Variants in GLT1D1 observed in about 807,000 individuals in gnomAD.
GLT1D1 encodes the protein glycosyltransferase 1 domain containing 1.
Under a neutral mutation model 28.7 loss-of-function variants are expected in GLT1D1, and 21 were observed. The observed-to-expected ratio is 0.73, with a 90% CI of 0.52 to 1.05. GLT1D1 has a LOEUF of 1.05. Among genes scored for constraint, GLT1D1 ranks in the 50% least tolerant of loss-of-function variants. The pLI is 0.00. For synonymous variants in GLT1D1, 147 were observed against 124.8 expected (o/e 1.18, Z -1.19); for missense variants, 343 against 330.6 (o/e 1.04, Z -0.29).
chr12:128,981,472 C>T (rs372301880), intron 7 of GLT1D1, among the ~76,000 whole-genome samples: 283 of 149,912 alleles, frequency 1.9e-3, no homozygotes, highest in African/African-American at 6.2e-3. Flanking sequence ...TACCCTGAAA[C>T]GGGAATAAAC....
At chr12:128,972,793 T>G (rs1335794597) in intron 7 of GLT1D1, among the ~76,000 whole-genome samples, 1 of 152,252 alleles carries the variant, frequency 6.6e-6, no homozygotes, top group Non-Finnish European at 1.5e-5. Flanking sequence ...TAAGGTCTGC[T>G]TGACAAATTT....
At chr12:128,934,578 C>T (rs968012691) in intron 4 of GLT1D1, among the ~76,000 whole-genome samples, 3 of 152,226 alleles carry the variant, frequency 2.0e-5, no homozygotes, top group African/African-American at 4.8e-5. Flanking sequence ...AGCCCTAGTT[C>T]GCAGGAGGTC....
intron 6 of GLT1D1, 33 bp downstream of exon 10, chr12:128,947,491 G>T: frequency 6.2e-7 from 1 of 1,612,388 alleles, no homozygotes; most frequent in African/African-American, 1.3e-5. Context: ...GAAAGTGGGA[G>T]TGTGAAATTG....
intron 7 of GLT1D1, among the ~76,000 whole-genome samples, chr12:128,969,491 T>C (rs561072344): frequency 6.6e-6 from 1 of 152,224 alleles, no homozygotes; most frequent in Non-Finnish European, 1.5e-5. Flanking sequence ...CTAGGGCAGG[T>C]TTGCCCCGAG....
chr12:128,969,426 G>T (rs1878813516), intron 7 of GLT1D1, among the ~76,000 whole-genome samples: 1 of 150,074 alleles, frequency 6.7e-6, no homozygotes, highest in Admixed American at 6.6e-5. Context: ...GGGTGTAGAT[G>T]CCCCTGGATG....
intron 4 of GLT1D1, among the ~76,000 whole-genome samples, chr12:128,934,693 G>C (rs186668698): frequency 6.6e-6 from 1 of 152,206 alleles, no homozygotes; most frequent in Non-Finnish European, 1.5e-5. Flanking sequence ...AAGAAGACAA[G>C]GTCTCACTAA....
intron 4 of GLT1D1, among the ~76,000 whole-genome samples, chr12:128,932,551 T>A (rs1176737603): frequency 6.6e-6 from 1 of 152,204 alleles, no homozygotes; most frequent in African/African-American, 2.4e-5. Context: ...GGCACTTTGC[T>A]GTCTATAATT....
At chr12:128,855,897 G>A (rs925814815) in intron 1 of GLT1D1, among the ~76,000 whole-genome samples, 5 of 151,730 alleles carry the variant, frequency 3.3e-5, no homozygotes, top group South Asian at 2.1e-4. Context: ...GATTACAGGC[G>A]CCTGCCACCA....
chr12:128,853,687 G>A, intron 1 of GLT1D1, 38 bp downstream of exon 1: 1 of 1,051,760 alleles, frequency 9.5e-7, no homozygotes, highest in South Asian at 4.3e-5. Context: ...AGCCTGGGCC[G>A]GGGGCCGGGG....
At chr12:128,929,539 C>T (rs1399968211) in intron 4 of GLT1D1, among the ~76,000 whole-genome samples, 1 of 152,120 alleles carries the variant, frequency 6.6e-6, no homozygotes, top group Non-Finnish European at 1.5e-5. Flanking sequence ...GTGGTTCTTT[C>T]TTATATAGTT....
intron 1 of GLT1D1, among the ~76,000 whole-genome samples, chr12:128,866,318 C>T (rs908170206): frequency 6.6e-6 from 1 of 151,788 alleles, no homozygotes; most frequent in African/African-American, 2.4e-5. Context: ...ATCCACCCGC[C>T]TCAGTCTCCC....
At chr12:128,904,172 C>T (rs1861976456) in intron 4 of GLT1D1, among the ~76,000 whole-genome samples, 1 of 151,856 alleles carries the variant, frequency 6.6e-6, no homozygotes, top group African/African-American at 2.4e-5. Flanking sequence ...CACACCTACA[C>T]TCACACACAC....
chr12:128,915,551 G>A (rs1428757005), intron 4 of GLT1D1, among the ~76,000 whole-genome samples: 4 of 151,990 alleles, frequency 2.6e-5, no homozygotes, highest in Non-Finnish European at 2.9e-5. Flanking sequence ...TTTTAATGGA[G>A]ACGGGGTTTT....
chr12:128,934,196 G>GTTT (rs1410503648), intron 4 of GLT1D1, among the ~76,000 whole-genome samples: 11 of 128,698 alleles, frequency 8.5e-5, no homozygotes, highest in South Asian at 5.7e-4. Context: ...CAAAGAGACA[G>GTTT]TCTTTTTTTT....
chr12:128,865,839 A>G (rs1956498903), intron 1 of GLT1D1, among the ~76,000 whole-genome samples: 1 of 152,080 alleles, frequency 6.6e-6, no homozygotes, highest in African/African-American at 2.4e-5. Flanking sequence ...AAACAAAACA[A>G]AACAAAAAAA....
chr12:128,907,867 A>G (rs1871047975), intron 4 of GLT1D1, among the ~76,000 whole-genome samples: 1 of 152,182 alleles, frequency 6.6e-6, no homozygotes, highest in African/African-American at 2.4e-5. Context: ...GTAATTCATT[A>G]AATTGCCCAG....
chr12:128,978,943 T>C (rs1368573915), intron 7 of GLT1D1, among the ~76,000 whole-genome samples: 1 of 152,142 alleles, frequency 6.6e-6, no homozygotes, highest in African/African-American at 2.4e-5. Context: ...CATCGTCCTC[T>C]TGGTTTTGGT....
chr12:128,888,519 A>G, intron 2 of GLT1D1, 120 bp from the exon 3 acceptor site: 1 of 650,188 alleles, frequency 1.5e-6, no homozygotes, highest in Non-Finnish European at 2.8e-6. Context: ...AGCTAAATGT[A>G]CAGCAACAAA....
At chr12:128,864,440 C>T (rs1445440380) in intron 1 of GLT1D1, among the ~76,000 whole-genome samples, 3 of 152,000 alleles carry the variant, frequency 2.0e-5, no homozygotes, top group African/African-American at 7.3e-5. Context: ...TGCTAACAGG[C>T]CCATCTGCTC....
Sources: allele counts gnomAD v4.1 joint callset (sites outside exome capture counted in the v4.1 genomes callset), GRCh38; gene constraint gnomAD v4.1.1; transcripts MANE v1.5; gene names NCBI Gene and HGNC (gene_info 2026-07-23, HGNC 2026-07-21).